The following PDE4D variants were observed in gnomAD, a reference collection of about 807,000 sequenced individuals.
PDE4D encodes the protein phosphodiesterase 4D.
In PDE4D, 24 loss-of-function variants were observed where a neutral mutation model predicts 87.4. The observed-to-expected ratio is 0.27, with a 90% CI of 0.20 to 0.39. The LOEUF (loss-of-function observed/expected upper bound fraction) is 0.39, where lower values mean the gene tolerates loss of function less well. PDE4D is among the 10% of genes least tolerant of loss of function. The probability of loss-of-function intolerance (pLI) is 1.00; values close to 1 mark genes in which losing one functional copy is unlikely to be tolerated. For synonymous variants in PDE4D, 384 were observed against 383.2 expected, an observed-to-expected ratio of 1.00 and a Z score of -0.02; for missense variants, 714 against 1,041.0, an observed-to-expected ratio of 0.69 and a Z score of 4.32.
chr5:59,632,272 C>T (rs923357965), intron 1 of PDE4D, among the ~76,000 whole-genome samples: 47 of 152,288 alleles, frequency 3.1e-4, no homozygotes, highest in Middle Eastern at 6.8e-3. Context: ...ACTCCCATCT[C>T]CCTGGGACAG....
At chr5:60,002,546 A>G (rs1360324045) in intron 2 of PDE4D, among the ~76,000 whole-genome samples, 1 of 152,180 alleles carries the variant, frequency 6.6e-6, no homozygotes, top group Non-Finnish European at 1.5e-5. Context: ...TGAATTTGAC[A>G]ATACATTAAA....
intron 5 of PDE4D, among the ~76,000 whole-genome samples, chr5:59,078,511 T>C (rs994585042): frequency 1.4e-5 from 2 of 145,300 alleles, no homozygotes; most frequent in African/African-American, 5.0e-5. Flanking sequence ...GTAGGACTCT[T>C]TTTTTTTTTT....
chr5:59,443,346 G>C lies in PDE4D; in HGVS notation c.456-227378C>G, dbSNP rs566977437. 1.6e-4 allele frequency among the ~76,000 whole-genome samples: 24 copies of C among 152,270 alleles called. No homozygotes were observed. In the South Asian group the frequency reaches 2.5e-3, roughly 16 times the overall value. ...TCTTATGAATAGACACAAAGAAATA[G>C]ATAAAGACAGCAAATGTTATACTCA... On this transcript the variant is annotated intron_variant, in intron 1 of 14. Coordinates refer to ENST00000340635, the MANE Select transcript of PDE4D (RefSeq NM_001104631.2).
At chr5:58,997,132 G>A (rs1009649478) in intron 6 of PDE4D, among the ~76,000 whole-genome samples, 10 of 152,118 alleles carry the variant, frequency 6.6e-5, no homozygotes, top group Non-Finnish European at 4.4e-5. Context: ...ATTCTGAAGC[G>A]TACATTAAGT....
At chr5:59,385,040 T>C (rs1032147896) in intron 1 of PDE4D, among the ~76,000 whole-genome samples, 14 of 152,322 alleles carry the variant, frequency 9.2e-5, no homozygotes, top group African/African-American at 3.4e-4. Context: ...ATGGTACTCA[T>C]ATCTGCCACC....
intron 5 of PDE4D, among the ~76,000 whole-genome samples, chr5:59,120,022 C>T (rs1288080485): frequency 6.6e-6 from 1 of 151,678 alleles, no homozygotes; most frequent in Admixed American, 6.6e-5. Context: ...TTTTTTTATT[C>T]TTAGTAGAGT....
intron 3 of PDE4D, among the ~76,000 whole-genome samples, chr5:59,909,439 A>G (rs1753199204): frequency 6.6e-6 from 1 of 151,704 alleles, no homozygotes; most frequent in Admixed American, 6.6e-5. Flanking sequence ...TCTGTTACCC[A>G]GGCTGGAGTG....
At chr5:60,219,799 G>C (rs1744286032) in intron 1 of PDE4D, among the ~76,000 whole-genome samples, 1 of 152,184 alleles carries the variant, frequency 6.6e-6, no homozygotes, top group Non-Finnish European at 1.5e-5. Flanking sequence ...GCAAAGTGTG[G>C]TTTGCAGATC....
At chr5:59,766,219 A>T (rs1026290009) in intron 1 of PDE4D, among the ~76,000 whole-genome samples, 3 of 152,134 alleles carry the variant, frequency 2.0e-5, no homozygotes, top group Non-Finnish European at 4.4e-5. Context: ...AACTTGAGAT[A>T]CTCTTTCCAA....
At chr5:59,836,661 C>A (rs1425073094) in intron 1 of PDE4D, among the ~76,000 whole-genome samples, 1 of 134,532 alleles carries the variant, frequency 7.4e-6, no homozygotes, top group African/African-American at 3.0e-5. Context: ...TATCTATCAT[C>A]TATCTACCTA....
chr5:60,108,396 G>C (rs1160106182), intron 2 of PDE4D, among the ~76,000 whole-genome samples: 2 of 152,124 alleles, frequency 1.3e-5, no homozygotes, highest in Admixed American at 1.3e-4. Context: ...CATGTTCATG[G>C]GTCGGAAGAA....
chr5:60,051,697 T>C (rs907260219), intron 2 of PDE4D, among the ~76,000 whole-genome samples: 19 of 151,284 alleles, frequency 1.3e-4, no homozygotes, highest in Non-Finnish European at 1.9e-4. Flanking sequence ...CAGAGCAGAA[T>C]TGAAGGAGAT....
intron 9 of PDE4D, among the ~76,000 whole-genome samples, chr5:58,990,306 C>A (rs1747598888): frequency 6.6e-6 from 1 of 152,144 alleles, no homozygotes; most frequent in African/African-American, 2.4e-5. Context: ...CATTTCGGTC[C>A]CGAGATATCT....
intron 6 of PDE4D, among the ~76,000 whole-genome samples, chr5:59,015,628 G>C (rs942194893): frequency 8.6e-5 from 13 of 152,036 alleles, no homozygotes; most frequent in Admixed American, 6.6e-4. Context: ...GAAACAACAG[G>C]TGCTGGAGAG....
intron 2 of PDE4D, among the ~76,000 whole-genome samples, chr5:60,155,557 C>A (rs768377342): frequency 4.6e-5 from 7 of 152,098 alleles, no homozygotes; most frequent in Non-Finnish European, 1.0e-4. Flanking sequence ...AATGTATTAA[C>A]AACAAAATTT....
rs926461211 is a variant in PDE4D at position 59,425,297 on chromosome 5, T to C, written c.456-209329A>G. On this transcript the variant is annotated intron_variant, in intron 1 of 14. Coordinates refer to ENST00000340635, the MANE Select transcript of PDE4D (RefSeq NM_001104631.2). ...ATAAATAAAGGTCTTAAAAAAGCTC[T>C]GAAGTTCTCCCTGATTTAATTGATT... 3.9e-5 allele frequency among the ~76,000 whole-genome samples: 6 copies of C among 152,346 alleles called. No homozygotes were observed. In the South Asian group the frequency reaches 6.2e-4, roughly 16 times the overall value.
intron 2 of PDE4D, among the ~76,000 whole-genome samples, chr5:60,046,118 C>G (rs1338465055): frequency 3.3e-5 from 5 of 152,278 alleles, no homozygotes; most frequent in Admixed American, 2.6e-4. Context: ...ATTTTATTCT[C>G]TTTGAAGCAA....
chr5:59,587,702 T>A (rs1825372277), intron 1 of PDE4D: 17 of 765,998 alleles, frequency 2.2e-5, no homozygotes, highest in Non-Finnish European at 2.7e-5. Flanking sequence ...TCTAGGTGGG[T>A]TCCCAGACAT....
chr5:59,889,228 TAAA>T (rs58549979), intron 1 of PDE4D, among the ~76,000 whole-genome samples: 3 of 71,096 alleles, frequency 4.2e-5, no homozygotes, highest in Non-Finnish European at 5.5e-5. Context: ...AGACTCTGTC[TAAA>T]AAAAAAAAAA....
Sources: gnomAD v4.1 joint callset for allele counts (sites outside exome capture counted in the v4.1 genomes callset) on GRCh38, gnomAD v4.1.1 for gene constraint, MANE v1.5 for transcripts, NCBI Gene and HGNC (gene_info 2026-07-23, HGNC 2026-07-21) for gene names.